The following PLEKHG7 variants were observed in gnomAD, a reference collection of about 807,000 sequenced individuals.
The protein encoded by PLEKHG7 is pleckstrin homology and RhoGEF domain containing G7.
PLEKHG7 carries 77 observed loss-of-function variants against 85.2 expected under a neutral mutation model. The observed-to-expected ratio is 0.90, with a 90% confidence interval of 0.75 to 1.09. The LOEUF is 1.09. PLEKHG7 is among the 50% of genes least tolerant of loss of function. The probability of loss-of-function intolerance (pLI) is 0.00; values close to 1 mark genes in which losing one functional copy is unlikely to be tolerated. For missense variants in PLEKHG7, 777 were observed against 804.3 expected, an observed-to-expected ratio of 0.97 and a Z score of 0.41; for synonymous variants, 301 against 302.4, an observed-to-expected ratio of 1.00 and a Z score of 0.05.
At chr12:92,761,662 GAAAGAAAGA>G (rs1242676082) in intron 13 of PLEKHG7, 81 bp from the exon 14 acceptor site, 3 of 1,330,096 alleles carry the variant, frequency 2.3e-6, no homozygotes, top group East Asian at 3.2e-5. Flanking sequence ...AAGAAAGAAA[GAAAGAAAGA>G]AAGAAAGAAA....
chr12:92,740,950 T>C lies in PLEKHG7; in HGVS notation c.1035+2T>C. On this transcript the variant is annotated splice_donor_variant, in intron 8 of 16. Coordinates refer to ENST00000344636, the MANE Select transcript of PLEKHG7 (RefSeq NM_001377329.1). LOFTEE classifies it high-confidence loss of function. ...GCAAACCTGGAGGAGTTAACTCAGG[T>C]GAGCCAAGTAGGAAGATTCATGTTT... is the stretch of plus-strand genomic sequence containing the variant. 1 of 1,589,732 alleles carries C rather than the reference T, an allele frequency of 6.3e-7. No homozygotes were observed. Among genetic ancestry groups the C allele is most frequent in the South Asian group, 1.1e-5 (1 of 90,394 alleles).
intron 3 of PLEKHG7, among the ~76,000 whole-genome samples, chr12:92,719,851 C>T (rs1209420071): frequency 1.3e-5 from 2 of 152,218 alleles, no homozygotes; most frequent in Non-Finnish European, 2.9e-5. Context: ...CACACAATTA[C>T]TGTCCTCACC....
intron 6 of PLEKHG7, among the ~76,000 whole-genome samples, chr12:92,736,963 G>A (rs1299633765): frequency 6.6e-6 from 1 of 152,162 alleles, no homozygotes; most frequent in Non-Finnish European, 1.5e-5. Context: ...TGCTTCTTCA[G>A]TAGTTAATTT....
Position 92,751,530 on chromosome 12 carries a change from T to TA in PLEKHG7, c.1252-2558dup, listed in dbSNP as rs1284667078. On this transcript the variant is annotated intron_variant, in intron 10 of 16. Coordinates refer to ENST00000344636, the MANE Select transcript of PLEKHG7 (RefSeq NM_001377329.1). ...ACAGGCGTGCGCCACCATGCCTGGC[T>TA]AATTTTTTTTTTTTTGTATTTTTGG... Among the ~76,000 whole-genome samples the TA allele has an allele frequency of 8.6e-5, 9 of 104,504 alleles. No individual in the cohort carries two copies. In the East Asian group the frequency reaches 6.2e-3, roughly 72 times the overall value. The allele number at this position is 104,504 out of a possible 152,430, so 68.6% of individuals were successfully genotyped here.
chr12:92,710,876 C>T (rs1303657294), intron 3 of PLEKHG7, among the ~76,000 whole-genome samples: 1 of 152,200 alleles, frequency 6.6e-6, no homozygotes, highest in Non-Finnish European at 1.5e-5. Flanking sequence ...GTCATCCTAT[C>T]CACTTGATTA....
At chr12:92,736,183 A>G (rs979063776) in intron 5 of PLEKHG7, among the ~76,000 whole-genome samples, 1 of 152,136 alleles carries the variant, frequency 6.6e-6, no homozygotes, top group Non-Finnish European at 1.5e-5. Context: ...GGTAGGCATG[A>G]TAAGACTGTT....
At chr12:92,718,987 A>G (rs1258701710) in intron 3 of PLEKHG7, among the ~76,000 whole-genome samples, 1 of 152,234 alleles carries the variant, frequency 6.6e-6, no homozygotes, top group Non-Finnish European at 1.5e-5. Context: ...TTCACTCTGC[A>G]TTTATGAGAA....
At chr12:92,704,699 A>G (rs1045749824) in intron 1 of PLEKHG7, among the ~76,000 whole-genome samples, 5 of 152,240 alleles carry the variant, frequency 3.3e-5, no homozygotes, top group African/African-American at 1.2e-4. Flanking sequence ...TTCCTCAAAC[A>G]ACTCACCAGT....
At chr12:92,761,642 GAAAGAAAGAAA>G (rs1873020202) in intron 13 of PLEKHG7, 99 bp from the exon 14 acceptor site, 17 of 779,268 alleles carry the variant, frequency 2.2e-5, no homozygotes, top group Non-Finnish European at 2.8e-5. Flanking sequence ...AAGAAAGAAA[GAAAGAAAGAAA>G]GAAAGAAAGA....
chr12:92,768,273 A>T (rs1010604780), intron 15 of PLEKHG7, among the ~76,000 whole-genome samples: 2 of 152,110 alleles, frequency 1.3e-5, no homozygotes, highest in Admixed American at 6.5e-5. Context: ...TTAATAATTC[A>T]AAGAAGAGAC....
At chr12:92,720,400 A>G (rs1871604923) in intron 3 of PLEKHG7, among the ~76,000 whole-genome samples, 2 of 150,548 alleles carry the variant, frequency 1.3e-5, no homozygotes, top group African/African-American at 2.4e-5. Flanking sequence ...ATCTCAGCTC[A>G]CTGCAACCTC....
chr12:92,706,775 G>C lies in PLEKHG7; in HGVS notation c.144G>C (p.Ser48=). 1 of 1,613,972 alleles carries C rather than the reference G, an allele frequency of 6.2e-7. No homozygotes were observed. The highest frequency in any genetic ancestry group is 8.5e-7 in the Non-Finnish European group (1 of 1,180,014). ...AAGCCCCAGGCCGCATCTCCACCTC[G>C]CCCACTTTGAGGAGATTAAGGACCC... ...DRQAPGRIST[S]PTLRRLRTRG... is the part of the protein sequence containing the mutation. The change falls in exon 2 of 17, where the codon TCG becomes TCC. Residue 48 remains serine, a synonymous_variant. Transcript: ENST00000344636.
chr12:92,715,825 C>T (rs963169040), intron 3 of PLEKHG7, among the ~76,000 whole-genome samples: 1 of 151,290 alleles, frequency 6.6e-6, no homozygotes, highest in Non-Finnish European at 1.5e-5. Flanking sequence ...AACACACCAA[C>T]GCCCACTCAT....
intron 2 of PLEKHG7, 131 bp downstream of exon 2, chr12:92,707,269 G>C (rs1490125386): frequency 6.9e-7 from 1 of 1,441,020 alleles, no homozygotes; most frequent in African/African-American, 1.4e-5. Context: ...ACACTGAGGG[G>C]ACACATTCTC....
chr12:92,741,459 C>A, intron 8 of PLEKHG7, 32 bp from the exon 9 acceptor site: 1 of 1,439,668 alleles, frequency 6.9e-7, no homozygotes, highest in Non-Finnish European at 9.7e-7. Flanking sequence ...TGGGTGTGTG[C>A]CTATTTTTGT....
At chr12:92,755,115 T>G (rs1191851721) in intron 11 of PLEKHG7, among the ~76,000 whole-genome samples, 1 of 152,240 alleles carries the variant, frequency 6.6e-6, no homozygotes, top group Non-Finnish European at 1.5e-5. Flanking sequence ...TAAGGATTAT[T>G]ACTCATTTGG....
chr12:92,761,687 G>GA, intron 13 of PLEKHG7, 65 bp from the exon 14 acceptor site: 1 of 1,318,192 alleles, frequency 7.6e-7, no homozygotes. Flanking sequence ...AGAAAGAAAG[G>GA]GAAAGAAAAA....
At chr12:92,755,463 A>G (rs1425517984) in intron 11 of PLEKHG7, among the ~76,000 whole-genome samples, 6 of 151,868 alleles carry the variant, frequency 4.0e-5, no homozygotes, top group Admixed American at 1.3e-4. Flanking sequence ...GGACAAAAAC[A>G]TATGTTTGTC....
chr12:92,743,098 A>G (rs1872416606), intron 9 of PLEKHG7, among the ~76,000 whole-genome samples: 1 of 152,144 alleles, frequency 6.6e-6, no homozygotes, highest in Admixed American at 6.5e-5. Context: ...CACGGTAGCA[A>G]ATGACCTCCA....
Sources: allele counts gnomAD v4.1 joint callset (sites outside exome capture counted in the v4.1 genomes callset), GRCh38; gene constraint gnomAD v4.1.1; transcripts MANE v1.5; gene names NCBI Gene and HGNC (gene_info 2026-07-23, HGNC 2026-07-21).